Variants in MICAL2 observed in about 807,000 individuals in gnomAD.
MICAL2 encodes the protein microtubule associated monooxygenase, calponin and LIM domain containing 2, also known as [F-actin]-monooxygenase MICAL2.
MICAL2 carries 77 observed loss-of-function variants against 127.3 expected under a neutral mutation model. That is an observed-to-expected ratio of 0.60 (90% confidence interval 0.50 to 0.73). The LOEUF is 0.73. MICAL2 is among the 30% of genes least tolerant of loss of function. MICAL2 has a pLI of 0.00. For synonymous variants in MICAL2, 570 were observed against 551.1 expected, an observed-to-expected ratio of 1.03 and a Z score of -0.48; for missense variants, 1,351 against 1,434.4, an observed-to-expected ratio of 0.94 and a Z score of 0.94.
Position 12,351,318 on chromosome 11 carries a change from G to C in MICAL2, c.5615+1381G>C, listed in dbSNP as rs374021483. Among the ~76,000 whole-genome samples the C allele has an allele frequency of 2.6e-5, 4 of 152,108 alleles. No homozygotes were observed. The East Asian group carries it at 7.7e-4, about 29-fold the overall frequency. ...CAAGGCTGTTATCCTAGACCAGTGG[G>C]GTTCAGCCAGGGGCAATAACCTCAG... is the stretch of plus-strand genomic sequence containing the variant. On this transcript the variant is annotated intron_variant, in intron 33 of 34. Coordinates refer to the MICAL2 transcript ENST00000646065.
intron 2 of MICAL2, among the ~76,000 whole-genome samples, chr11:12,142,170 G>C (rs1852413941): frequency 6.6e-6 from 1 of 152,140 alleles, no homozygotes; most frequent in Non-Finnish European, 1.5e-5. Context: ...CCCTGCACTT[G>C]AATGTCTAAG....
downstream of MICAL2, among the ~76,000 whole-genome samples, chr11:12,361,610 G>C (rs572460952): frequency 4.6e-4 from 70 of 152,270 alleles, no homozygotes; most frequent in African/African-American, 1.7e-3. Context: ...GCAGTGTTAG[G>C]CTGCTTGGAA....
At chr11:12,212,077 C>T (rs1482066732) in intron 6 of MICAL2, among the ~76,000 whole-genome samples, 2 of 152,124 alleles carry the variant, frequency 1.3e-5, no homozygotes, top group South Asian at 2.1e-4. Context: ...GAAGAAGTCT[C>T]GGGGTTGGCC....
intron 29 of MICAL2, among the ~76,000 whole-genome samples, chr11:12,305,588 A>G (rs1437650918): frequency 2.6e-5 from 4 of 152,246 alleles, no homozygotes; most frequent in Non-Finnish European, 5.9e-5. Context: ...TAGAATCATT[A>G]TAACAATATA....
chr11:12,293,173 A>C (rs1477191037), downstream of MICAL2, among the ~76,000 whole-genome samples: 1 of 152,182 alleles, frequency 6.6e-6, no homozygotes, highest in Non-Finnish European at 1.5e-5. Flanking sequence ...ATGGCTGAGC[A>C]AGAAAATGAA....
At chr11:12,353,214 G>T (rs1939080289) in intron 33 of MICAL2, among the ~76,000 whole-genome samples, 1 of 152,178 alleles carries the variant, frequency 6.6e-6, no homozygotes, top group Non-Finnish European at 1.5e-5. Flanking sequence ...CAGATGGCAG[G>T]TGGAGGCTGG....
At chr11:12,320,827 G>A (rs887681643) in intron 30 of MICAL2, among the ~76,000 whole-genome samples, 4 of 152,050 alleles carry the variant, frequency 2.6e-5, no homozygotes, top group African/African-American at 9.7e-5. Context: ...GGAAGAAAGA[G>A]GGAGGGAGAA....
intron 8 of MICAL2, among the ~76,000 whole-genome samples, chr11:12,217,641 G>A (rs981704515): frequency 1.3e-5 from 2 of 152,110 alleles, no homozygotes; most frequent in South Asian, 2.1e-4. Context: ...AGCTTGATGG[G>A]TTTTGTGTTT....
chr11:12,128,357 CA>C (rs1183604030), intron 1 of MICAL2, among the ~76,000 whole-genome samples: 2 of 152,214 alleles, frequency 1.3e-5, no homozygotes, highest in Non-Finnish European at 2.9e-5. Flanking sequence ...TTCATCTTTG[CA>C]ATAACTGCCC....
chr11:12,225,033 G>T (rs1019201894), intron 13 of MICAL2, among the ~76,000 whole-genome samples: 2 of 152,182 alleles, frequency 1.3e-5, no homozygotes, highest in East Asian at 3.9e-4. Context: ...AATTGGCTCC[G>T]GCTTAGTGAT....
intron 3 of MICAL2, among the ~76,000 whole-genome samples, chr11:12,185,610 G>A (rs1450465226): frequency 1.3e-5 from 2 of 152,136 alleles, no homozygotes; most frequent in African/African-American, 4.8e-5. Flanking sequence ...GCAGACTGTG[G>A]CTGGAGGAGA....
chr11:12,309,424 A>T (rs894564965), intron 29 of MICAL2, among the ~76,000 whole-genome samples: 4 of 152,154 alleles, frequency 2.6e-5, no homozygotes, highest in Admixed American at 1.3e-4. Context: ...AAGTGATAAT[A>T]TGTGATATTT....
At chr11:12,140,902 A>G (rs1009087) in intron 2 of MICAL2, among the ~76,000 whole-genome samples, 59,878 of 152,014 alleles carry the variant, frequency 0.39, 12,019 homozygotes, top group Middle Eastern at 0.5. Context: ...AGACTGAGGA[A>G]GAAGGACAGG....
intron 3 of MICAL2, among the ~76,000 whole-genome samples, chr11:12,173,566 C>A (rs1856514798): frequency 6.6e-6 from 1 of 152,200 alleles, no homozygotes; most frequent in Non-Finnish European, 1.5e-5. Context: ...TCATCTCAAC[C>A]ATTTCTAGGT....
intron 2 of MICAL2, among the ~76,000 whole-genome samples, chr11:12,146,225 TA>T (rs371373798): frequency 0.011 from 1,599 of 152,190 alleles, 14 homozygotes; most frequent in South Asian, 0.032. Context: ...GGGATCTAAT[TA>T]AACTAAAGAG....
At chr11:12,301,947 C>G (rs563591864) in intron 29 of MICAL2, among the ~76,000 whole-genome samples, 34 of 152,284 alleles carry the variant, frequency 2.2e-4, no homozygotes, top group African/African-American at 8.2e-4. Context: ...ATGTTGTAAG[C>G]TCTTTTTAAT....
chr11:12,358,410 A>T (rs752081154), exon 35 of MICAL2: 3 of 1,614,226 alleles, frequency 1.9e-6, no homozygotes, highest in Non-Finnish European at 1.7e-6. Context: ...AACGCATCAG[A>T]GAAAAAGCCG....
downstream of MICAL2, among the ~76,000 whole-genome samples, chr11:12,268,089 C>T (rs760516645): frequency 1.5e-3 from 223 of 152,208 alleles, 3 homozygotes; most frequent in Non-Finnish European, 2.5e-3. Context: ...GCCTGGACCT[C>T]AGACTGCAGA....
At chr11:12,244,209 G>T (rs909545239) in intron 21 of MICAL2, 97 bp downstream of exon 21, 16 of 1,517,536 alleles carry the variant, frequency 1.1e-5, no homozygotes, top group Non-Finnish European at 1.5e-5. Flanking sequence ...AGCCTGGCTT[G>T]GCTGGAATAA....
Sources: allele counts gnomAD v4.1 joint callset (sites outside exome capture counted in the v4.1 genomes callset), GRCh38; gene constraint gnomAD v4.1.1; transcripts MANE v1.5; gene names NCBI Gene and HGNC (gene_info 2026-07-23, HGNC 2026-07-21).